Variants in GALNT13 observed in about 807,000 individuals in gnomAD.
GALNT13 encodes the protein polypeptide N-acetylgalactosaminyltransferase 13.
Under a neutral mutation model 64.2 loss-of-function variants are expected in GALNT13, and 28 were observed. The observed-to-expected ratio is 0.44, with a 90% confidence interval of 0.32 to 0.60. GALNT13 has a LOEUF of 0.60. Ranked by LOEUF, GALNT13 falls within the 20% of genes least tolerant of loss-of-function variation. GALNT13 has a pLI of 0.05. For synonymous variants in GALNT13, 214 were observed against 224.6 expected (o/e 0.95, Z 0.42); for missense variants, 577 against 669.8 (o/e 0.86, Z 1.53).
chr2:154,412,946 A>T (rs2105402194), intron 11 of GALNT13, among the ~76,000 whole-genome samples: 1 of 152,002 alleles, frequency 6.6e-6, no homozygotes, highest in South Asian at 2.1e-4. Flanking sequence ...CACTTTGAAA[A>T]GAATAAGAAT....
chr2:153,113,910 A>G, the GALNT13 span, among the ~76,000 whole-genome samples: 1 of 152,070 alleles, frequency 6.6e-6, no homozygotes, highest in African/African-American at 2.4e-5. Flanking sequence ...TGTGCTTTTC[A>G]TTACATCTTA....
chr2:153,253,825 G>C, the GALNT13 span, among the ~76,000 whole-genome samples: 7 of 151,942 alleles, frequency 4.6e-5, no homozygotes, highest in East Asian at 3.9e-4. Context: ...AAGCCCACTT[G>C]ATCATGGTGG....
chr2:153,224,535 C>G, the GALNT13 span, among the ~76,000 whole-genome samples: 2 of 151,774 alleles, frequency 1.3e-5, no homozygotes, highest in South Asian at 4.1e-4. Flanking sequence ...AAATTAAAAA[C>G]AGGAAAACAA....
intron 9 of GALNT13, among the ~76,000 whole-genome samples, chr2:154,352,904 T>C (rs1329813633): frequency 6.6e-6 from 1 of 152,202 alleles, no homozygotes; most frequent in East Asian, 1.9e-4. Context: ...AGCATCAAGT[T>C]AGGCTTACTG....
chr2:154,145,048 T>TTCTCTCTCTCTCTCTCTCTCTC (rs3075862), intron 4 of GALNT13, among the ~76,000 whole-genome samples: 1 of 106,674 alleles, frequency 9.4e-6, no homozygotes, highest in Admixed American at 9.8e-5. Flanking sequence ...ATTTATGTAG[T>TTCTCTCTCTCTCTCTCTCTCTC]TCTCTCTCTC....
At chr2:154,186,170 A>G (rs574831759) in intron 4 of GALNT13, among the ~76,000 whole-genome samples, 4 of 152,074 alleles carry the variant, frequency 2.6e-5, no homozygotes, top group African/African-American at 9.7e-5. Flanking sequence ...TTAAAAATCT[A>G]CTACTGTCAG....
intron 1 of GALNT13, among the ~76,000 whole-genome samples, chr2:153,876,615 T>C (rs1211166455): frequency 6.6e-6 from 1 of 152,156 alleles, no homozygotes; most frequent in Non-Finnish European, 1.5e-5. Context: ...GTCTGTGTTT[T>C]CAGTGTAGTG....
chr2:154,051,620 TA>T lies in GALNT13; in HGVS notation c.143-88715del, dbSNP rs543022012. On this transcript the variant is annotated intron_variant, in intron 3 of 12. Coordinates refer to ENST00000392825, the MANE Select transcript of GALNT13 (RefSeq NM_052917.4). ...ACTCCTTCTTGAAGTTTAAGCTATTTAACAATTAATTATTAATCAGGGTTAG... is the reference window on the plus strand; with the variant it reads ...ACTCCTTCTTGAAGTTTAAGCTATTTACAATTAATTATTAATCAGGGTTAG... Among the ~76,000 whole-genome samples the T allele has an allele frequency of 3.5e-3, 532 of 152,314 alleles. 1 individual carries two copies. Among genetic ancestry groups the T allele is most frequent in the African/African-American group, 0.012 (495 of 41,582 alleles).
the GALNT13 span, among the ~76,000 whole-genome samples, chr2:153,858,213 G>T: frequency 6.6e-6 from 1 of 152,136 alleles, no homozygotes; most frequent in Admixed American, 6.6e-5. Flanking sequence ...AGGAAGAGGG[G>T]ACAGAAAATG....
At chr2:154,431,893 C>G (rs1700727948) in intron 11 of GALNT13, among the ~76,000 whole-genome samples, 2 of 152,212 alleles carry the variant, frequency 1.3e-5, no homozygotes. Context: ...CCTTCCACCA[C>G]AATTGTGAGC....
chr2:153,805,940 A>G, the GALNT13 span, among the ~76,000 whole-genome samples: 1 of 152,054 alleles, frequency 6.6e-6, no homozygotes, highest in Non-Finnish European at 1.5e-5. Context: ...CCTGATTTAT[A>G]CATATATAAA....
rs550259184 is a variant in GALNT13 at position 154,449,014 on chromosome 2, T to C, written c.1531-1397T>C. 5.3e-5 allele frequency among the ~76,000 whole-genome samples: 8 copies of C among 152,066 alleles called. No homozygotes were observed. In the East Asian group the frequency reaches 1.5e-3, roughly 29 times the overall value. On this transcript the variant is annotated intron_variant, in intron 12 of 12. Transcript: ENST00000392825. ...TAGAACTGTCTAGAAAAAATACATA[T>C]TGTTTTTGTTATGCATCTTTATTTT...
At chr2:153,470,624 C>A in the GALNT13 span, among the ~76,000 whole-genome samples, 6 of 152,066 alleles carry the variant, frequency 3.9e-5, no homozygotes, top group South Asian at 1.2e-3. Flanking sequence ...GCGTGATGCA[C>A]CTGTATCCTG....
intron 3 of GALNT13, among the ~76,000 whole-genome samples, chr2:154,001,475 T>A (rs897137564): frequency 6.6e-6 from 1 of 151,964 alleles, no homozygotes; most frequent in Non-Finnish European, 1.5e-5. Context: ...TACAAAAAAA[T>A]TATATAGTTA....
chr2:154,359,712 A>T (rs1473041789), intron 9 of GALNT13, among the ~76,000 whole-genome samples: 1 of 152,084 alleles, frequency 6.6e-6, no homozygotes, highest in Non-Finnish European at 1.5e-5. Flanking sequence ...CCAAGCAGTA[A>T]ATAATGATTT....
At chr2:154,347,065 G>A (rs1696107970) in intron 9 of GALNT13, among the ~76,000 whole-genome samples, 1 of 151,978 alleles carries the variant, frequency 6.6e-6, no homozygotes, top group African/African-American at 2.4e-5. Flanking sequence ...TGGAAAGTTA[G>A]GGAAAATACA....
chr2:153,630,781 A>G, the GALNT13 span, among the ~76,000 whole-genome samples: 1 of 8,816 alleles, frequency 1.1e-4, no homozygotes, highest in African/African-American at 3.7e-4. Context: ...ATATATATAT[A>G]TATATATATA....
the GALNT13 span, among the ~76,000 whole-genome samples, chr2:153,437,813 T>G: frequency 6.6e-6 from 1 of 152,202 alleles, no homozygotes; most frequent in Non-Finnish European, 1.5e-5. Flanking sequence ...ATTGGAGCAT[T>G]TAGCCCATTT....
chr2:153,073,971 T>A, the GALNT13 span, among the ~76,000 whole-genome samples: 1 of 152,294 alleles, frequency 6.6e-6, no homozygotes, highest in East Asian at 1.9e-4. Context: ...TTTACCATAT[T>A]TCCTTACTCC....
Sources: allele counts gnomAD v4.1 joint callset (sites outside exome capture counted in the v4.1 genomes callset), GRCh38; gene constraint gnomAD v4.1.1; transcripts MANE v1.5; gene names NCBI Gene and HGNC (gene_info 2026-07-23, HGNC 2026-07-21).